TNRC18: variants seen among roughly 807,000 people sequenced by gnomAD.
The protein encoded by TNRC18 is trinucleotide repeat-containing gene 18 protein.
Under a neutral mutation model 226.7 loss-of-function variants are expected in TNRC18, and 69 were observed. The ratio of observed to expected loss-of-function variants is 0.30; its 90% CI spans 0.25 to 0.37. The LOEUF is 0.37. TNRC18 is among the 10% of genes least tolerant of loss of function. TNRC18 has a pLI of 1.00. For synonymous variants in TNRC18, 2,449 were observed against 1,927.6 expected (o/e 1.27, Z -7.09); for missense variants, 4,754 against 4,256.6 (o/e 1.12, Z -3.25).
chr7:5,421,559 G>T (rs891922864), intron 1 of TNRC18, 70 bp from the exon 2 acceptor site: 1 of 152,266 alleles, frequency 6.6e-6, no homozygotes, highest in Non-Finnish European at 1.5e-5. Context: ...AAAAAATAAA[G>T]TAACAAGTTT....
In TNRC18 at chr7:5,332,958, C is replaced by T; in HGVS notation, c.5811G>A (p.Gly1937=). 1 of 1,558,600 alleles carries T rather than the reference C, an allele frequency of 6.4e-7. No individual in the cohort carries two copies. Among genetic ancestry groups the T allele is most frequent in the South Asian group, 1.2e-5 (1 of 85,742 alleles). ...AGLLRPKKGL[G]EPGPSLAAPT... is the part of the protein sequence containing the mutation. ...GTGCGGCCAGGGAGGGTCCCGGCTC[C>T]CCCAGCCCCTTCTTGGGCCGCAGCA... The change falls in exon 19 of 30, where the codon GGG becomes GGA. Residue 1937 remains glycine, a synonymous_variant. Coordinates refer to ENST00000430969, the MANE Select transcript of TNRC18 (RefSeq NM_001080495.3).
chr7:5,397,746 C>T (rs1313739658), intron 2 of TNRC18, among the ~76,000 whole-genome samples: 1 of 152,096 alleles, frequency 6.6e-6, no homozygotes, highest in Non-Finnish European at 1.5e-5. Flanking sequence ...CCCTGGGCCC[C>T]AGAGAAGCCT....
chr7:5,387,883 G>C lies in TNRC18; in HGVS notation c.1941C>G (p.Gly647=). Residue 647 remains glycine, a synonymous_variant, in exon 5 of 30, where the codon GGC becomes GGG. Coordinates refer to ENST00000430969, the MANE Select transcript of TNRC18 (RefSeq NM_001080495.3). ...LPHSGGPAAG[G]GRQLKRDPER... Reference sequence around the variant, plus strand: ...CGGGGTCCCGCTTCAGCTGCCGGCCGCCGCCCGCTGCAGGGCCTCCGGAGT... The same window carrying C: ...CGGGGTCCCGCTTCAGCTGCCGGCCCCCGCCCGCTGCAGGGCCTCCGGAGT... The C allele has an allele frequency of 6.3e-7, 1 of 1,589,380 alleles. No individual in the cohort carries two copies. The highest frequency in any genetic ancestry group is 8.5e-7 in the Non-Finnish European group (1 of 1,170,308).
At chr7:5,311,274 C>T (rs2128102083) in intron 27 of TNRC18, among the ~76,000 whole-genome samples, 1 of 152,352 alleles carries the variant, frequency 6.6e-6, no homozygotes, top group East Asian at 1.9e-4. Flanking sequence ...CAGCCACAGG[C>T]AGGCTGGAAG....
chr7:5,308,438 G>C (rs1464321948), intron 29 of TNRC18, 126 bp from the exon 30 acceptor site: 27 of 845,030 alleles, frequency 3.2e-5, no homozygotes, highest in Non-Finnish European at 4.9e-5. Context: ...GACCAAGTCA[G>C]AGACAGAGGC....
chr7:5,388,469 G>C lies in TNRC18; in HGVS notation c.1355C>G (p.Ala452Gly). The change falls in exon 5 of 30, where the codon GCC becomes GGC. Residue 452 changes from alanine (A) to glycine (G), a missense_variant. Ala to Gly is a moderately conservative substitution (Grantham distance 60). Transcript: ENST00000430969. ...CACGTAGGCGCGGGGGTCCGGGGAG[G>C]CGCGTGTGGCCCGCACCGTGGGGGC... The part of the protein sequence containing the change: ...ADAPTVRATR[A>G]SPDPRAYVPA... 7.0e-7 allele frequency: 1 copy of C among 1,426,346 alleles called. No homozygotes were observed. The highest frequency in any genetic ancestry group is 9.1e-7 in the Non-Finnish European group (1 of 1,102,196). 88.4% of individuals were successfully genotyped at this position (1,426,346 alleles called of 1,614,324 possible). A position where few individuals can be genotyped will look rare whatever the true frequency, so the allele number is the denominator to read the frequency against.
Position 5,370,637 on chromosome 7 carries a change from G to A in TNRC18, c.3957C>T (p.Ser1319=), listed in dbSNP as rs1173780172. The A allele has an allele frequency of 1.9e-6, 3 of 1,613,052 alleles. No homozygotes were observed. Among genetic ancestry groups the A allele is most frequent in the Non-Finnish European group, 2.5e-6 (3 of 1,179,780 alleles). Residue 1319 remains serine (S), a synonymous_variant, in exon 11 of 30, where the codon AGC becomes AGT. Transcript: ENST00000430969. ...EPQEAVPVLG[S]TCFLEEASSD... The stretch of plus-strand genomic sequence containing the variant: ...AGCTTGCCTCTTCCAGGAAGCAGGT[G>A]CTGCCGAGTACAGGCACGGCCTCTT...
At chr7:5,386,574 CAAAA>C (rs113287458) in intron 5 of TNRC18, among the ~76,000 whole-genome samples, 1 of 133,042 alleles carries the variant, frequency 7.5e-6, no homozygotes. Context: ...ACTCTGTCTC[CAAAA>C]AAAAAAAAAG....
In TNRC18 at chr7:5,377,387, G is replaced by A. The variant is rs567027940; in HGVS notation, c.2445C>T (p.Leu815=). ...LPRSGNASMW[L]AGHPYGLGPP... Reference sequence around the variant, plus strand: ...CACACTCACCGTAGGGGTGTCCAGCGAGCCACATGGATGCGTTGCCCGAGC... The same window carrying A: ...CACACTCACCGTAGGGGTGTCCAGCAAGCCACATGGATGCGTTGCCCGAGC... Residue 815 remains leucine (L), a synonymous_variant, in exon 7 of 30, where the codon CTC becomes CTT. Transcript: ENST00000430969. The surrounding 1 kb of genome is among the most constrained non-coding windows in gnomAD (Gnocchi z 5.8). 1.4e-4 allele frequency: 200 copies of A among 1,413,118 alleles called. No individual in the cohort carries two copies. The highest frequency in any genetic ancestry group is 2.7e-4 in the Middle Eastern group (1 of 3,770). The allele number at this position is 1,413,118 out of a possible 1,614,324, so 87.5% of individuals were successfully genotyped here. A position where few individuals can be genotyped will look rare whatever the true frequency, so the allele number is the denominator to read the frequency against.
chr7:5,352,299 C>A (rs537646259), intron 16 of TNRC18, among the ~76,000 whole-genome samples: 1 of 152,322 alleles, frequency 6.6e-6, no homozygotes, highest in East Asian at 1.9e-4. Context: ...CTGGGTGCCT[C>A]GGTCATTGCA....
At chr7:5,362,499 C>T in intron 12 of TNRC18, 151 bp downstream of exon 12, 1 of 723,430 alleles carries the variant, frequency 1.4e-6, no homozygotes, top group Non-Finnish European at 2.2e-6. Context: ...TGACTGGGAC[C>T]ACACAGCACA....
At chr7:5,314,454 G>C (rs988814138) in intron 26 of TNRC18, among the ~76,000 whole-genome samples, 22 of 152,020 alleles carry the variant, frequency 1.4e-4, no homozygotes, top group African/African-American at 5.1e-4. Context: ...ACACAGGCCA[G>C]CTGCAGCTCA....
chr7:5,371,285 G>C lies in TNRC18; in HGVS notation c.3309C>G (p.Ala1103=), dbSNP rs10215902. 108,546 of 1,578,826 alleles carry C rather than the reference G, an allele frequency of 0.069. 5,302 individuals are homozygous for C. The highest frequency in any genetic ancestry group is 0.23 in the African/African-American group (16,877 of 74,018). The change falls in exon 11 of 30, where the codon GCC becomes GCG. Residue 1103 remains alanine, a synonymous_variant. Coordinates refer to ENST00000430969, the MANE Select transcript of TNRC18 (RefSeq NM_001080495.3). Reference sequence around the variant, plus strand: ...GGGCCAAGCCGTCCGCGTCGGCGGCGGCCGTGGGCTGCAGCAGGAAAGGGT... The same window carrying C: ...GGGCCAAGCCGTCCGCGTCGGCGGCCGCCGTGGGCTGCAGCAGGAAAGGGT... ...RPYPFLLQPT[A]AADADGLAPD...
rs1583875215 is a variant in TNRC18 at position 5,351,930 on chromosome 7, T to A, written c.5359A>T (p.Thr1787Ser). ...CTGGTGGCCGGCTTGGGTTTCAGAGTCCGGGGGGCCGCCAGGCCCCTCTTG... is the reference window on the plus strand; with the variant it reads ...CTGGTGGCCGGCTTGGGTTTCAGAGACCGGGGGGCCGCCAGGCCCCTCTTG... ...LTKRGLAAPR[T>S]LKPKPATSRK... The change falls in exon 17 of 30, where the codon ACT becomes TCT. Residue 1787 changes from threonine (T) to serine (S), a missense_variant. By Grantham distance (58) the Thr-to-Ser change is moderately conservative. Coordinates refer to ENST00000430969, the MANE Select transcript of TNRC18 (RefSeq NM_001080495.3). The A allele has an allele frequency of 6.2e-7, 1 of 1,613,596 alleles. No individual in the cohort carries two copies. The highest frequency in any genetic ancestry group is 2.2e-5 in the East Asian group (1 of 44,854).
chr7:5,375,939 C>T, intron 9 of TNRC18, 95 bp downstream of exon 9: 2 of 1,283,114 alleles, frequency 1.6e-6, no homozygotes, highest in Non-Finnish European at 2.1e-6. Flanking sequence ...TTTCTCCCTC[C>T]CTGTAACTGT....
Position 5,345,802 on chromosome 7 carries a change from A to G in TNRC18, c.5479T>C (p.Ser1827Pro). The G allele has an allele frequency of 6.5e-7, 1 of 1,542,926 alleles. No homozygotes were observed. Among genetic ancestry groups the G allele is most frequent in the Non-Finnish European group, 8.7e-7 (1 of 1,146,470 alleles). ...SEESFDQDES[S>P]EEEDEEEELE... is the part of the protein sequence containing the mutation. Reference sequence around the variant, plus strand: ...TCCTCCTCCTCGTCCTCCTCCTCCGAGCTCTCATCTGGCGTGCAGAAAACA... The same window carrying G: ...TCCTCCTCCTCGTCCTCCTCCTCCGGGCTCTCATCTGGCGTGCAGAAAACA... Residue 1827 changes from serine (S) to proline (P), a missense_variant, in exon 18 of 30, where the codon TCG (serine) becomes CCG (proline). Transcript: ENST00000430969.
At chr7:5,417,504 C>T (rs1782264740) in intron 2 of TNRC18, among the ~76,000 whole-genome samples, 1 of 152,126 alleles carries the variant, frequency 6.6e-6, no homozygotes, top group Non-Finnish European at 1.5e-5. Context: ...AAAAACATTT[C>T]CTTCTCGGAT....
At chr7:5,315,900 G>A (rs1299533683) in intron 25 of TNRC18, 56 bp downstream of exon 25, 3 of 1,361,408 alleles carry the variant, frequency 2.2e-6, no homozygotes, top group African/African-American at 1.5e-5. Flanking sequence ...TGGAGGGCGA[G>A]AGCCTGGGTG....
chr7:5,325,398 G>T (rs1232039315), intron 19 of TNRC18, 150 bp from the exon 20 acceptor site: 6 of 831,836 alleles, frequency 7.2e-6, no homozygotes, highest in Non-Finnish European at 1.1e-5. Context: ...CTCTCTTCCT[G>T]CAAGCGTTTT....
Sources: gnomAD v4.1 joint callset for allele counts (sites outside exome capture counted in the v4.1 genomes callset) on GRCh38, gnomAD v4.1.1 for gene constraint, Gnocchi (gnomAD v3.1) non-coding constraint, MANE v1.5 for transcripts, NCBI Gene and HGNC (gene_info 2026-07-23, HGNC 2026-07-21) for gene names.